PLPP4: variants seen among roughly 807,000 people sequenced by gnomAD.
The protein encoded by PLPP4 is diacylglycerol pyrophosphate like 2.
Under a neutral mutation model 32.2 loss-of-function variants are expected in PLPP4, and 20 were observed. That is an observed-to-expected ratio of 0.62 (90% confidence interval 0.44 to 0.90). PLPP4 has a LOEUF of 0.90. Ranked by LOEUF, PLPP4 falls within the 40% of genes least tolerant of loss-of-function variation. The pLI is 0.00. For synonymous variants in PLPP4, 127 were observed against 133.0 expected (o/e 0.95, Z 0.31); for missense variants, 257 against 353.1 (o/e 0.73, Z 2.18).
intron 1 of PLPP4, among the ~76,000 whole-genome samples, chr10:120,494,040 CTG>C (rs1844845635): frequency 1.3e-5 from 2 of 152,188 alleles, no homozygotes; most frequent in African/African-American, 2.4e-5. Flanking sequence ...TAAGCAGAAA[CTG>C]TGCCTGGTCA....
intron 5 of PLPP4, among the ~76,000 whole-genome samples, chr10:120,527,887 AATATTCATT>A (rs1305940816): frequency 1.3e-5 from 2 of 151,996 alleles, no homozygotes; most frequent in Admixed American, 1.3e-4. Context: ...ATCGAGCATG[AATATTCATT>A]ATTATAAACC....
intron 5 of PLPP4, among the ~76,000 whole-genome samples, chr10:120,526,548 G>C (rs962496349): frequency 6.6e-6 from 1 of 152,092 alleles, no homozygotes; most frequent in Non-Finnish European, 1.5e-5. Flanking sequence ...CTGGCATTCT[G>C]GAAGCTGTGC....
In PLPP4 at chr10:120,461,021, T is replaced by C. The variant is rs1273541589; in HGVS notation, c.56+3660T>C. On this transcript the variant is annotated intron_variant, in intron 1 of 6. Coordinates refer to ENST00000398250, the MANE Select transcript of PLPP4 (RefSeq NM_001030059.3). ...CTGGTGCTAAACTGACCACATCCTGTGAGCAATTCCTTCCATGACTCCTTA... is the reference window on the plus strand; with the variant it reads ...CTGGTGCTAAACTGACCACATCCTGCGAGCAATTCCTTCCATGACTCCTTA... Among the ~76,000 whole-genome samples the C allele has an allele frequency of 5.3e-5, 8 of 152,288 alleles. 1 individual carries two copies. The highest frequency in any genetic ancestry group is 5.2e-4 in the Admixed American group (8 of 15,304).
chr10:120,494,080 A>T (rs370610038), intron 1 of PLPP4, among the ~76,000 whole-genome samples: 3 of 152,344 alleles, frequency 2.0e-5, no homozygotes, highest in East Asian at 1.9e-4. Context: ...GTTTGGCTAC[A>T]GGACCTTATT....
chr10:120,509,249 A>G (rs896858239), intron 2 of PLPP4, among the ~76,000 whole-genome samples: 4 of 152,224 alleles, frequency 2.6e-5, no homozygotes, highest in African/African-American at 7.2e-5. Context: ...TATTATCGTC[A>G]TACCCATTTA....
intron 5 of PLPP4, among the ~76,000 whole-genome samples, chr10:120,525,147 C>T (rs1345001509): frequency 6.6e-6 from 1 of 152,152 alleles, no homozygotes; most frequent in Non-Finnish European, 1.5e-5. Flanking sequence ...TCTATGGCCT[C>T]TTTCACTTTA....
intron 5 of PLPP4, among the ~76,000 whole-genome samples, chr10:120,545,778 A>C (rs1847585683): frequency 6.6e-6 from 1 of 152,134 alleles, no homozygotes; most frequent in African/African-American, 2.4e-5. Flanking sequence ...GAAGGATGCA[A>C]AGTATTGTTC....
chr10:120,549,330 G>A (rs1206584968), intron 5 of PLPP4, among the ~76,000 whole-genome samples: 1 of 150,460 alleles, frequency 6.6e-6, no homozygotes, highest in Non-Finnish European at 1.5e-5. Flanking sequence ...TAACCAAAAT[G>A]GATACTAGAT....
chr10:120,457,769 A>G (rs1299792780), intron 1 of PLPP4, among the ~76,000 whole-genome samples: 1 of 152,014 alleles, frequency 6.6e-6, no homozygotes, highest in Non-Finnish European at 1.5e-5. Context: ...CCCGTCTCCG[A>G]TTCCTCCCCG....
At chr10:120,531,794 C>G (rs1030375666) in intron 5 of PLPP4, among the ~76,000 whole-genome samples, 3 of 151,694 alleles carry the variant, frequency 2.0e-5, no homozygotes, top group Admixed American at 2.0e-4. Context: ...TGTTCCTATC[C>G]TTAATCAAGA....
At chr10:120,479,866 G>A (rs1210867283) in intron 1 of PLPP4, among the ~76,000 whole-genome samples, 2 of 152,178 alleles carry the variant, frequency 1.3e-5, no homozygotes, top group Admixed American at 6.5e-5. Context: ...CCTTTTCCAT[G>A]AAATAACTGG....
chr10:120,543,960 A>T (rs1847486864), intron 5 of PLPP4, among the ~76,000 whole-genome samples: 1 of 152,200 alleles, frequency 6.6e-6, no homozygotes, highest in South Asian at 2.1e-4. Flanking sequence ...CCTTTTTAAG[A>T]CTGAATATTA....
intron 1 of PLPP4, among the ~76,000 whole-genome samples, chr10:120,470,266 C>T (rs1848459204): frequency 1.3e-5 from 2 of 152,154 alleles, no homozygotes; most frequent in Admixed American, 1.3e-4. Context: ...CTGTCTTTTC[C>T]TTTATCTGTG....
At chr10:120,462,979 T>C (rs983847783) in intron 1 of PLPP4, among the ~76,000 whole-genome samples, 13 of 151,724 alleles carry the variant, frequency 8.6e-5, no homozygotes, top group Admixed American at 3.3e-4. Context: ...ATGAATACAT[T>C]CAGAATCATT....
intron 5 of PLPP4, among the ~76,000 whole-genome samples, chr10:120,569,742 A>G (rs1232398723): frequency 6.6e-6 from 1 of 152,224 alleles, no homozygotes; most frequent in Non-Finnish European, 1.5e-5. Context: ...AATAGGGTCC[A>G]GGTATATTTG....
At chr10:120,482,200 G>C (rs968613146) in intron 1 of PLPP4, among the ~76,000 whole-genome samples, 4 of 152,218 alleles carry the variant, frequency 2.6e-5, no homozygotes, top group African/African-American at 4.8e-5. Flanking sequence ...CTGGGTAACA[G>C]GCAGAGGTTG....
chr10:120,579,960 A>T (rs1324594667), intron 6 of PLPP4, among the ~76,000 whole-genome samples: 1 of 147,548 alleles, frequency 6.8e-6, no homozygotes, highest in Non-Finnish European at 1.5e-5. Context: ...AAAAAAAAAA[A>T]TACAAAAAAA....
At chr10:120,519,977 C>T (rs1376123067) in intron 4 of PLPP4, among the ~76,000 whole-genome samples, 1 of 152,160 alleles carries the variant, frequency 6.6e-6, no homozygotes, top group Non-Finnish European at 1.5e-5. Flanking sequence ...TTGTCCTTGC[C>T]ACTTACGGGA....
At chr10:120,551,148 C>G (rs1450510277) in intron 5 of PLPP4, among the ~76,000 whole-genome samples, 3 of 152,086 alleles carry the variant, frequency 2.0e-5, no homozygotes, top group Non-Finnish European at 2.9e-5. Context: ...AAAAGGTGCT[C>G]CATTATTCCT....
Sources: allele counts gnomAD v4.1 joint callset (sites outside exome capture counted in the v4.1 genomes callset), GRCh38; gene constraint gnomAD v4.1.1; transcripts MANE v1.5; gene names NCBI Gene and HGNC (gene_info 2026-07-23, HGNC 2026-07-21).